Variants in TCF12 observed in about 807,000 individuals in gnomAD.
The protein encoded by TCF12 is transcription factor 12, also known as DNA-binding protein HTF4.
Under a neutral mutation model 86.0 loss-of-function variants are expected in TCF12, and 45 were observed. The observed-to-expected ratio is 0.52, with a 90% CI of 0.41 to 0.67. The LOEUF (loss-of-function observed/expected upper bound fraction) is 0.67. TCF12 is among the 30% of genes least tolerant of loss of function. TCF12 has a pLI of 0.00. For synonymous variants in TCF12, 330 were observed against 299.6 expected (o/e 1.10, Z -1.05); for missense variants, 881 against 859.9 (o/e 1.02, Z -0.31).
intron 3 of TCF12, among the ~76,000 whole-genome samples, chr15:56,952,155 TTTA>T (rs1258977566): frequency 9.4e-5 from 14 of 148,516 alleles, no homozygotes; most frequent in African/African-American, 2.7e-4. Flanking sequence ...ACAAAAATAG[TTTA>T]TTGTTTATAA....
chr15:57,135,001 T>C (rs1459525968), intron 5 of TCF12, among the ~76,000 whole-genome samples: 1 of 152,178 alleles, frequency 6.6e-6, no homozygotes, highest in African/African-American at 2.4e-5. Flanking sequence ...TAAAGCTGTT[T>C]ATGTCAGTTT....
intron 3 of TCF12, among the ~76,000 whole-genome samples, chr15:56,995,335 T>C (rs1249044209): frequency 6.6e-6 from 1 of 150,788 alleles, no homozygotes; most frequent in South Asian, 2.1e-4. Context: ...TCTAGTTCTG[T>C]GAGAAATGAC....
rs538869216 is a variant in TCF12, at chr15:57,233,986, C to G, written c.971-57C>G. 6 of 1,452,208 alleles carry G rather than the reference C, an allele frequency of 4.1e-6. No individual in the cohort carries two copies. In the African/African-American group the frequency reaches 7.0e-5, roughly 17 times the overall value. The allele number at this position is 1,452,208 out of a possible 1,614,324, so 90.0% of individuals were successfully genotyped here. ...ACACCCTTGGAATAATGGCAGAGTG[C>G]TAAAATATAATACTTGCTTGTAAAA... On this transcript the variant is annotated intron_variant, in intron 11 of 20. Coordinates refer to ENST00000333725, the MANE Select transcript of TCF12 (RefSeq NM_207037.2).
At chr15:56,984,001 CAAAA>C (rs71113046) in intron 3 of TCF12, among the ~76,000 whole-genome samples, 4 of 43,058 alleles carry the variant, frequency 9.3e-5, no homozygotes, top group Admixed American at 3.6e-4. Context: ...GACCCTGTCT[CAAAA>C]AAAAAAAAAA....
intron 3 of TCF12, among the ~76,000 whole-genome samples, chr15:56,989,950 A>G (rs1358714445): frequency 6.6e-6 from 1 of 152,200 alleles, no homozygotes; most frequent in Non-Finnish European, 1.5e-5. Flanking sequence ...GGACTTAAAC[A>G]ATAGAGTTTA....
intron 18 of TCF12, among the ~76,000 whole-genome samples, chr15:57,269,360 C>CTTTTTTTTTTTT (rs56700978): frequency 3.1e-5 from 1 of 31,944 alleles, no homozygotes; most frequent in Non-Finnish European, 5.2e-5. Context: ...ACAACCCCTG[C>CTTTTTTTTTTTT]TTTTTTTTTT....
At chr15:57,262,381 C>A (rs1391027035) in intron 17 of TCF12, among the ~76,000 whole-genome samples, 173 bp downstream of exon 17, 1 of 152,102 alleles carries the variant, frequency 6.6e-6, no homozygotes. Context: ...CCTAGGTTGA[C>A]AATTACAGAT....
chr15:57,099,481 TAAA>T (rs529292225), intron 5 of TCF12, among the ~76,000 whole-genome samples: 18 of 152,080 alleles, frequency 1.2e-4, no homozygotes, highest in Non-Finnish European at 2.6e-4. Flanking sequence ...AAATTAAAAT[TAAA>T]ATAAGAATAT....
intron 3 of TCF12, among the ~76,000 whole-genome samples, chr15:56,973,274 A>G (rs1048029330): frequency 6.6e-6 from 1 of 152,112 alleles, no homozygotes; most frequent in African/African-American, 2.4e-5. Context: ...ATGCATGTGT[A>G]TACATTAATT....
chr15:57,124,672 A>G (rs2051501090), intron 5 of TCF12, among the ~76,000 whole-genome samples: 1 of 151,758 alleles, frequency 6.6e-6, no homozygotes, highest in East Asian at 1.9e-4. Flanking sequence ...TCTCAAAAAT[A>G]TTTCTTTTTT....
At chr15:57,234,364 A>T in intron 12 of TCF12, among the ~76,000 whole-genome samples, 1 of 152,268 alleles carries the variant, frequency 6.6e-6, no homozygotes, top group East Asian at 1.9e-4. Context: ...TATTTCTTCT[A>T]AATACATAGT....
At position 57,253,367 on chromosome 15, in the gene TCF12, A is replaced by T; in HGVS notation, c.1366A>T (p.Ile456Leu). ...CAGTTTGCCTGCTGGTCACAGTGAT[A>T]TACATAGTTTATTGGGACCATCCCA... ...STSLPAGHSD[I>L]HSLLGPSHNA... Residue 456 changes from isoleucine to leucine, a missense_variant, in exon 16 of 21, where the codon ATA becomes TTA. Ile to Leu is a conservative substitution (Grantham distance 5, BLOSUM62 2). Coordinates refer to ENST00000333725, the MANE Select transcript of TCF12 (RefSeq NM_207037.2). The T allele has an allele frequency of 6.2e-7, 1 of 1,614,120 alleles. No individual in the cohort carries two copies. The highest frequency in any genetic ancestry group is 2.2e-5 in the East Asian group (1 of 44,864).
At position 57,273,351 on chromosome 15, in the gene TCF12, G is replaced by T. The variant is rs369644678; in HGVS notation, c.1978+89G>T. On this transcript the variant is annotated intron_variant, in intron 19 of 20. Transcript: ENST00000333725. ...AGTTGCTCTTCTGCTTGGAGAAGTT[G>T]TTTGTTATTTCTCCCAGTACTTCTT... 754 of 1,347,590 alleles carry T rather than the reference G, an allele frequency of 5.6e-4. 4 individuals carry two copies. In the African/African-American group the frequency reaches 1.0e-2, roughly 18 times the overall value. 83.5% of individuals were successfully genotyped at this position (1,347,590 alleles called of 1,614,324 possible).
intron 11 of TCF12, among the ~76,000 whole-genome samples, chr15:57,233,073 G>A (rs2059223900): frequency 6.7e-6 from 1 of 148,518 alleles, no homozygotes; most frequent in South Asian, 2.1e-4. Flanking sequence ...ATGTATATGT[G>A]TGTTTTTTAT....
chr15:56,951,427 T>G (rs1200649563), intron 3 of TCF12, among the ~76,000 whole-genome samples: 1 of 152,228 alleles, frequency 6.6e-6, no homozygotes, highest in Admixed American at 6.5e-5. Flanking sequence ...TGAGATTTCT[T>G]TATGTATTCT....
intron 5 of TCF12, among the ~76,000 whole-genome samples, chr15:57,164,108 C>T (rs144417546): frequency 6.6e-6 from 1 of 152,256 alleles, no homozygotes; most frequent in East Asian, 1.9e-4. Context: ...GCCTTAGTTA[C>T]TGAGCCTCAA....
intron 5 of TCF12, among the ~76,000 whole-genome samples, chr15:57,126,850 G>T (rs1442891756): frequency 6.6e-6 from 1 of 152,152 alleles, no homozygotes; most frequent in East Asian, 1.9e-4. Context: ...TTTGTAATTG[G>T]CCATAATTTT....
intron 8 of TCF12, among the ~76,000 whole-genome samples, chr15:57,218,051 G>T (rs1472728475): frequency 1.3e-5 from 2 of 152,076 alleles, no homozygotes; most frequent in Non-Finnish European, 2.9e-5. Flanking sequence ...TTAAAACATT[G>T]TGAAGTTAGT....
intron 3 of TCF12, among the ~76,000 whole-genome samples, chr15:56,937,099 A>G (rs2060502328): frequency 6.6e-6 from 1 of 152,128 alleles, no homozygotes; most frequent in South Asian, 2.1e-4. Context: ...GCCATGATTC[A>G]TCTGTGAGCA....
Sources: gnomAD v4.1 joint callset for allele counts (sites outside exome capture counted in the v4.1 genomes callset) on GRCh38, gnomAD v4.1.1 for gene constraint, MANE v1.5 for transcripts, NCBI Gene and HGNC (gene_info 2026-07-23, HGNC 2026-07-21) for gene names.